Variants in RBM25 observed in about 807,000 individuals in gnomAD.
The protein encoded by RBM25 is RNA binding motif protein 25, also known as RNA-binding protein 25.
Under a neutral mutation model 120.7 loss-of-function variants are expected in RBM25, and 19 were observed. That is an observed-to-expected ratio of 0.16 (90% confidence interval 0.11 to 0.23). The LOEUF (loss-of-function observed/expected upper bound fraction) is 0.23. RBM25 is among the 10% of genes least tolerant of loss of function. The pLI, the probability that RBM25 is intolerant of heterozygous loss-of-function variation, is 1.00. For synonymous variants in RBM25, 390 were observed against 326.7 expected, an observed-to-expected ratio of 1.19 and a Z score of -2.09; for missense variants, 605 against 1,041.5, an observed-to-expected ratio of 0.58 and a Z score of 5.77.
rs186371458 is a variant in RBM25, at chr14:73,113,623, G to C, written c.2392-663G>C. ...GGAGAATCACTTGAACCCGGGAGGC[G>C]GAGGTTGAAGTGAGCTGTGATTGCG... On this transcript the variant is annotated intron_variant, in intron 17 of 18. Transcript: ENST00000261973. 1.2e-3 allele frequency among the ~76,000 whole-genome samples: 184 copies of C among 152,002 alleles called. 1 individual carries two copies. The highest frequency in any genetic ancestry group is 4.3e-3 in the African/African-American group (178 of 41,498).
intron 10 of RBM25, among the ~76,000 whole-genome samples, chr14:73,105,265 G>A (rs1363534593): frequency 1.3e-5 from 2 of 151,492 alleles, no homozygotes; most frequent in African/African-American, 4.9e-5. Flanking sequence ...GTGCCACCAT[G>A]CCTCCTGGCC....
rs1894974149 is a variant in RBM25 at position 73,060,306 on chromosome 14, A to AT, written c.-16+1603dup. Among the ~76,000 whole-genome samples, 2 of 151,486 alleles carry AT rather than the reference A, an allele frequency of 1.3e-5. 1 individual carries two copies. The highest frequency in any genetic ancestry group is 3.0e-5 in the Non-Finnish European group (2 of 67,612). ...CCCGCCTAGGCCCCAAAGCGCTGGG[A>AT]TTACAGGCGTGAGCCACCGTGCCCG... On this transcript the variant is annotated intron_variant, in intron 1 of 18. Transcript: ENST00000261973.
chr14:73,074,862 T>G (rs1289958265), intron 2 of RBM25, among the ~76,000 whole-genome samples: 1 of 151,966 alleles, frequency 6.6e-6, no homozygotes. Context: ...TGTGCCACCA[T>G]GCTCGGCTAA....
chr14:73,112,810 G>A (rs914252838), intron 17 of RBM25, among the ~76,000 whole-genome samples: 1 of 151,644 alleles, frequency 6.6e-6, no homozygotes. Context: ...TTTTGTTTTT[G>A]TTTTTTCTTT....
chr14:73,076,178 A>C, intron 2 of RBM25, 141 bp from the exon 3 acceptor site: 1 of 711,066 alleles, frequency 1.4e-6, no homozygotes, highest in Admixed American at 2.6e-5. Context: ...TTTGAAAATA[A>C]GATAGTATTT....
At chr14:73,117,450 C>CA (rs1344140991) in intron 18 of RBM25, among the ~76,000 whole-genome samples, 1 of 151,952 alleles carries the variant, frequency 6.6e-6, no homozygotes, top group African/African-American at 2.4e-5. Context: ...CGGCTGGTCT[C>CA]AAACTCCTGA....
chr14:73,099,035 C>T (rs1168730916), intron 7 of RBM25, among the ~76,000 whole-genome samples: 1 of 152,138 alleles, frequency 6.6e-6, no homozygotes, highest in Non-Finnish European at 1.5e-5. Context: ...AGAAAAATAA[C>T]ATATTTGTTT....
At chr14:73,092,293 T>C (rs1421590090) in intron 6 of RBM25, among the ~76,000 whole-genome samples, 1 of 151,466 alleles carries the variant, frequency 6.6e-6, no homozygotes, top group Non-Finnish European at 1.5e-5. Flanking sequence ...GGGGGTGAGA[T>C]GGGTGGCTAC....
intron 4 of RBM25, 143 bp downstream of exon 4, chr14:73,077,679 C>T: frequency 7.2e-6 from 5 of 696,850 alleles, no homozygotes; most frequent in South Asian, 2.1e-5. Flanking sequence ...ACAGTGAACA[C>T]GTTTGTATTC....
At chr14:73,083,029 A>G (rs1895601208) in intron 4 of RBM25, among the ~76,000 whole-genome samples, 1 of 152,158 alleles carries the variant, frequency 6.6e-6, no homozygotes, top group African/African-American at 2.4e-5. Context: ...GCAGTGACCC[A>G]AGATCACGCC....
intron 12 of RBM25, 25 bp downstream of exon 12, chr14:73,106,310 G>A (rs763562622): frequency 6.5e-7 from 1 of 1,537,358 alleles, no homozygotes; most frequent in Non-Finnish European, 8.7e-7. Flanking sequence ...TAAAATAAGT[G>A]ATTTTTCAGG....
intron 18 of RBM25, among the ~76,000 whole-genome samples, chr14:73,117,205 C>CTTTTATTTTTTTTTTTTT (rs1896448964): frequency 9.0e-4 from 33 of 36,546 alleles, no homozygotes; most frequent in African/African-American, 3.2e-3. Flanking sequence ...TTTCTTTCTT[C>CTTTTATTTTTTTTTTTTT]TTTTCTTTTT....
At chr14:73,084,506 A>G (rs1168340845) in intron 5 of RBM25, among the ~76,000 whole-genome samples, 2 of 152,258 alleles carry the variant, frequency 1.3e-5, no homozygotes, top group East Asian at 3.9e-4. Context: ...TAAAGTGGTC[A>G]GTAGTTGTAC....
intron 6 of RBM25, 83 bp downstream of exon 6, chr14:73,088,244 T>G: frequency 6.6e-7 from 1 of 1,514,924 alleles, no homozygotes; most frequent in Non-Finnish European, 9.1e-7. Flanking sequence ...GAATCTAATA[T>G]GGGGCTTCAA....
At chr14:73,071,542 C>G in intron 1 of RBM25, 85 bp from the exon 2 acceptor site, 1 of 950,906 alleles carries the variant, frequency 1.1e-6, no homozygotes, top group Non-Finnish European at 1.6e-6. Context: ...TTTGCAGATA[C>G]TCTAAAAATG....
In RBM25 at chr14:73,123,029, A is replaced by G. The variant is rs1251859704; in HGVS notation, c.*3224A>G. 1.3e-5 allele frequency: 2 copies of G among 152,170 alleles called. No homozygotes were observed. Among genetic ancestry groups the G allele is most frequent in the Non-Finnish European group, 2.9e-5 (2 of 68,036 alleles). 9.4% of individuals were successfully genotyped at this position (152,170 alleles called of 1,614,324 possible). A position where few individuals can be genotyped will look rare whatever the true frequency, so the allele number is the denominator to read the frequency against. On this transcript the variant is annotated 3_prime_UTR_variant, in exon 19 of 19. Coordinates refer to ENST00000261973, the MANE Select transcript of RBM25 (RefSeq NM_021239.3). Reference sequence around the variant, plus strand: ...CAAAATTATGTCTGAGAAAGCCCTAATATTCTAGGCTTTTTTTCCATCCAG... The same window carrying G: ...CAAAATTATGTCTGAGAAAGCCCTAGTATTCTAGGCTTTTTTTCCATCCAG...
At chr14:73,098,551 C>T (rs1041177323) in intron 7 of RBM25, among the ~76,000 whole-genome samples, 2 of 151,982 alleles carry the variant, frequency 1.3e-5, no homozygotes, top group Non-Finnish European at 2.9e-5. Context: ...CCTTTTTAGG[C>T]CATATTCAGT....
intron 7 of RBM25, among the ~76,000 whole-genome samples, chr14:73,099,095 T>C (rs931426052): frequency 1.4e-4 from 21 of 152,132 alleles, no homozygotes; most frequent in African/African-American, 4.8e-4. Flanking sequence ...GCAGGAGTTA[T>C]GGGTAAATAT....
At chr14:73,083,382 GT>G in intron 4 of RBM25, 111 bp from the exon 5 acceptor site, 1 of 849,666 alleles carries the variant, frequency 1.2e-6, no homozygotes, top group Non-Finnish European at 1.7e-6. Flanking sequence ...GTAGTTGCTG[GT>G]TTTTTATTTT....
Sources: gnomAD v4.1 joint callset for allele counts (sites outside exome capture counted in the v4.1 genomes callset) on GRCh38, gnomAD v4.1.1 for gene constraint, MANE v1.5 for transcripts, NCBI Gene and HGNC (gene_info 2026-07-23, HGNC 2026-07-21) for gene names.